The following RNF31 variants were observed in gnomAD, a reference collection of about 807,000 sequenced individuals.
RNF31 encodes ring finger protein 31.
Under a neutral mutation model 133.6 loss-of-function variants are expected in RNF31, and 38 were observed. The ratio of observed to expected loss-of-function variants is 0.28; its 90% CI spans 0.22 to 0.37. The LOEUF (loss-of-function observed/expected upper bound fraction) is 0.37, where lower values mean the gene tolerates loss of function less well. Ranked by LOEUF, RNF31 falls within the 10% of genes least tolerant of loss-of-function variation. The pLI is 1.00. For missense variants in RNF31, 1,118 were observed against 1,394.1 expected (o/e 0.80, Z 3.15); for synonymous variants, 582 against 552.3 (o/e 1.05, Z -0.75).
At position 24,160,061 on chromosome 14, in the gene RNF31, C is replaced by G; in HGVS notation, c.2996+101C>G. The G allele has an allele frequency of 1.5e-6, 2 of 1,350,754 alleles. No homozygotes were observed. The highest frequency in any genetic ancestry group is 2.5e-5 in the South Asian group (2 of 80,506). 83.7% of individuals were successfully genotyped at this position (1,350,754 alleles called of 1,614,324 possible). On this transcript the variant is annotated intron_variant, in intron 19 of 20. Transcript: ENST00000324103. This position sits in a 1 kb window ranked among gnomAD's most constrained non-coding sequence, Gnocchi z 4.0. ...GGGTCCTTGGGAGCAGTAGGTCTTG[C>G]AGTGGGTGGGAGGGAGGAGGCTTTC...
rs1566615893 is a variant in RNF31, at chr14:24,155,442, A to G, written c.2333A>G (p.Tyr778Cys). The change falls in exon 13 of 21, where the codon TAT (tyrosine) becomes TGT (cysteine). Residue 778 changes from tyrosine to cysteine, a missense_variant. Physicochemically the swap from Tyr to Cys is radical, Grantham distance 194. Coordinates refer to ENST00000324103, the MANE Select transcript of RNF31 (RefSeq NM_017999.5). This position sits in a 1 kb window ranked among gnomAD's most constrained non-coding sequence, Gnocchi z 4.9. ...QLRESLEPDA[Y>C]ALFHKKLTEG... is the part of the protein sequence containing the mutation. The stretch of plus-strand genomic sequence containing the variant: ...CGCGAGAGCCTAGAGCCAGATGCCT[A>G]TGCGTTGTTCCATAAGAAGCTGACC... The G allele has an allele frequency of 1.9e-6, 3 of 1,614,164 alleles. No individual in the cohort carries two copies. The highest frequency in any genetic ancestry group is 2.5e-6 in the Non-Finnish European group (3 of 1,180,032).
intron 11 of RNF31, among the ~76,000 whole-genome samples, chr14:24,154,728 G>A (rs989396401): frequency 2.1e-4 from 32 of 152,192 alleles, no homozygotes; most frequent in Non-Finnish European, 3.7e-4. Context: ...TCTGTCCCAC[G>A]TATGGATGCA....
intron 18 of RNF31, chr14:24,158,818 C>CCT (rs2038385702): frequency 6.6e-6 from 1 of 151,230 alleles, no homozygotes; most frequent in African/African-American, 2.5e-5. Flanking sequence ...GGGTGAATCA[C>CCT]GAAGTCAGAT....
intron 18 of RNF31, among the ~76,000 whole-genome samples, chr14:24,159,584 C>CAAAAAAAAAAAAAA (rs59295225): frequency 1.2e-5 from 1 of 82,198 alleles, no homozygotes; most frequent in Non-Finnish European, 2.5e-5. Context: ...AAATAACAAC[C>CAAAAAAAAAAAAAA]AAAAAAAAAA....
chr14:24,159,435 G>A (rs2038407101), intron 18 of RNF31, among the ~76,000 whole-genome samples: 1 of 151,652 alleles, frequency 6.6e-6, no homozygotes. Context: ...CACTTTGGGA[G>A]GCTAAGGCAA....
In RNF31 at chr14:24,151,571, CCTGA is replaced by C; in HGVS notation, c.1829_1832del (p.Thr610SerfsTer7). 6.2e-7 allele frequency: 1 copy of C among 1,614,138 alleles called. No homozygotes were observed. The highest frequency in any genetic ancestry group is 8.5e-7 in the Non-Finnish European group (1 of 1,180,028). ...AGCACGGAGGTGATGTGTCACGGGC[CCTGA>C]CTGAGCTACAGCGCCAACGCCTAGA... On this transcript the variant is annotated frameshift_variant, in exon 10 of 21. Coordinates refer to ENST00000324103, the MANE Select transcript of RNF31 (RefSeq NM_017999.5). LOFTEE classifies it high-confidence loss of function. The surrounding 1 kb of genome is among the most constrained non-coding windows in gnomAD (Gnocchi z 5.3).
chr14:24,149,659 T>C, intron 6 of RNF31, 76 bp downstream of exon 6: 1 of 1,433,180 alleles, frequency 7.0e-7, no homozygotes, highest in South Asian at 1.2e-5. Context: ...TACCTGCCAG[T>C]TTCTGTGCTA....
intron 19 of RNF31, 26 bp downstream of exon 19, chr14:24,159,986 G>A (rs766206399): frequency 6.2e-7 from 1 of 1,603,344 alleles, no homozygotes; most frequent in South Asian, 1.1e-5. Context: ...ACATGGGCAT[G>A]GTGTTGGGCA....
chr14:24,155,749 T>C lies in RNF31; in HGVS notation c.2493+57T>C. The C allele has an allele frequency of 6.7e-7, 1 of 1,496,616 alleles. No homozygotes were observed. Among genetic ancestry groups the C allele is most frequent in the Non-Finnish European group, 9.3e-7 (1 of 1,076,612 alleles). 92.7% of individuals were successfully genotyped at this position (1,496,616 alleles called of 1,614,324 possible). Reference sequence around the variant, plus strand: ...GCTGAGCTACTGCCAGGTACTGTGTTAGACTCAGGGGAGTTTGTGTACTGG... The same window carrying C: ...GCTGAGCTACTGCCAGGTACTGTGTCAGACTCAGGGGAGTTTGTGTACTGG... On this transcript the variant is annotated intron_variant, in intron 14 of 20. Coordinates refer to ENST00000324103, the MANE Select transcript of RNF31 (RefSeq NM_017999.5). This position sits in a 1 kb window ranked among gnomAD's most constrained non-coding sequence, Gnocchi z 4.9.
In RNF31 at chr14:24,157,906, A is replaced by G; in HGVS notation, c.2736A>G (p.Pro912=). The G allele has an allele frequency of 6.2e-7, 1 of 1,613,870 alleles. No homozygotes were observed. The highest frequency in any genetic ancestry group is 8.5e-7 in the Non-Finnish European group (1 of 1,179,964). Residue 912 remains proline (P), a synonymous_variant, in exon 17 of 21, where the codon CCA becomes CCG. Coordinates refer to ENST00000324103, the MANE Select transcript of RNF31 (RefSeq NM_017999.5). Reference sequence around the variant, plus strand: ...ATCTGGGTTTCTGCCAGAAATGTCCAGAGCCTAACTGCAGGGTGAAAAAGT... The same window carrying G: ...ATCTGGGTTTCTGCCAGAAATGTCCGGAGCCTAACTGCAGGGTGAAAAAGT... ...YNAFYAKNKC[P]EPNCRVKKSL...
At chr14:24,159,797 A>ATCCCAG (rs2038417288) in intron 18 of RNF31, 67 bp from the exon 19 acceptor site, 1 of 1,276,172 alleles carries the variant, frequency 7.8e-7, no homozygotes, top group African/African-American at 1.5e-5. Flanking sequence ...CCTTGTGGAT[A>ATCCCAG]TCCCAGTTCT....
Position 24,151,332 on chromosome 14 carries a change from A to T in RNF31, c.1690A>T (p.Asn564Tyr), listed in dbSNP as rs887685983. The stretch of plus-strand genomic sequence containing the variant: ...GAGAGCCTGGCTGGATCGTCATGGC[A>T]ACCTTGATGAAGCTGTGGAGGAGTG... ...ARRAWLDRHG[N>Y]LDEAVEECVR... Residue 564 changes from asparagine (N) to tyrosine (Y), a missense_variant, in exon 9 of 21, where the codon AAC becomes TAC. By Grantham distance (143) the Asn-to-Tyr change is moderately radical. This residue lies in a region of RNF31 where 747 missense variants were observed against 827.9 expected (regional missense o/e 0.90). Transcript: ENST00000324103. The surrounding 1 kb of genome is among the most constrained non-coding windows in gnomAD (Gnocchi z 5.3). 2 of 1,614,192 alleles carry T rather than the reference A, an allele frequency of 1.2e-6. No individual in the cohort carries two copies. Among genetic ancestry groups the T allele is most frequent in the Non-Finnish European group, 1.7e-6 (2 of 1,180,034 alleles).
Position 24,148,859 on chromosome 14 carries a change from C to G in RNF31, c.614C>G (p.Thr205Ser). The G allele has an allele frequency of 1.2e-6, 2 of 1,614,106 alleles. No homozygotes were observed. The highest frequency in any genetic ancestry group is 1.7e-6 in the Non-Finnish European group (2 of 1,179,932). ...AGAGAGATTGCTCCTGGCCCCCTCA[C>G]CACACCCTCTGTCCCAGGTATTATT... ...LLREIAPGPL[T>S]TPSVPGSTPG... The change falls in exon 5 of 21, where the codon ACC (threonine) becomes AGC (serine). Residue 205 changes from threonine to serine, a missense_variant. This residue lies in a region of RNF31 where 747 missense variants were observed against 827.9 expected (regional missense o/e 0.90). Transcript: ENST00000324103.
At position 24,150,237 on chromosome 14, in the gene RNF31, G is replaced by A. The variant is rs767287330; in HGVS notation, c.986G>A (p.Cys329Tyr). 6.8e-6 allele frequency: 11 copies of A among 1,614,120 alleles called. No individual in the cohort carries two copies. Among genetic ancestry groups the A allele is most frequent in the Middle Eastern group, 1.6e-4 (1 of 6,084 alleles). The change falls in exon 7 of 21, where the codon TGT (cysteine) becomes TAT (tyrosine). Residue 329 changes from cysteine (C) to tyrosine (Y), a missense_variant. Physicochemically the swap from Cys to Tyr is radical, Grantham distance 194. Coordinates refer to ENST00000324103, the MANE Select transcript of RNF31 (RefSeq NM_017999.5). The stretch of plus-strand genomic sequence containing the variant: ...GTGGCCTGTGATCGGCCCCGAGGCT[G>A]TAAGGGGTTGGGGTTGGGAACTGAG... ...LCVACDRPRGCKGLGLGTEGP... is the reference protein window; with the variant it reads ...LCVACDRPRGYKGLGLGTEGP...
Position 24,160,133 on chromosome 14 carries a change from G to A in RNF31, c.2997-106G>A, listed in dbSNP as rs754221112. The A allele has an allele frequency of 7.1e-7, 1 of 1,405,030 alleles. No homozygotes were observed. Among genetic ancestry groups the A allele is most frequent in the East Asian group, 2.3e-5 (1 of 43,194 alleles). The allele number at this position is 1,405,030 out of a possible 1,614,324, so 87.0% of individuals were successfully genotyped here. On this transcript the variant is annotated intron_variant, in intron 19 of 20. Transcript: ENST00000324103. The surrounding 1 kb of genome is among the most constrained non-coding windows in gnomAD (Gnocchi z 4.0). ...AGTAGCAGGCAGTGTGGGCACAGGT[G>A]GGTTGTTAATCTTGTTCGTCCAGGT...
rs1255034493 is a variant in RNF31, at chr14:24,150,583, T to G, written c.1198-15T>G. The G allele has an allele frequency of 1.4e-5, 22 of 1,602,080 alleles. No individual in the cohort carries two copies. Among genetic ancestry groups the G allele is most frequent in the Non-Finnish European group, 1.8e-5 (21 of 1,170,804 alleles). ...AGCCAGCCAGTCAAAGGGATAATTCTCTCTGCCTTCCCAGCAGGGGGATGC... is the reference window on the plus strand; with the variant it reads ...AGCCAGCCAGTCAAAGGGATAATTCGCTCTGCCTTCCCAGCAGGGGGATGC... On this transcript the variant is annotated splice_polypyrimidine_tract_variant and intron_variant, in intron 7 of 20. Coordinates refer to ENST00000324103, the MANE Select transcript of RNF31 (RefSeq NM_017999.5).
chr14:24,151,008 A>G lies in RNF31; in HGVS notation c.1488+120A>G. 1 of 1,509,614 alleles carries G rather than the reference A, an allele frequency of 6.6e-7. No homozygotes were observed. 93.5% of individuals were successfully genotyped at this position (1,509,614 alleles called of 1,614,324 possible). ...AGCAGCAGCTGCCTGTTACTGAGGC[A>G]GTTACCATTGCTGTACACTGATGAC... On this transcript the variant is annotated intron_variant, in intron 8 of 20. Transcript: ENST00000324103. This position sits in a 1 kb window ranked among gnomAD's most constrained non-coding sequence, Gnocchi z 5.3.
chr14:24,150,318 G>T lies in RNF31; in HGVS notation c.1067G>T (p.Cys356Phe). The part of the protein sequence containing the change: ...EPDLARGRWA[C>F]QSCTFENEAA... ...GATCTTGCACGGGGTCGGTGGGCCT[G>T]CCAGAGCTGTACCTTTGAGAATGAG... Residue 356 changes from cysteine to phenylalanine, a missense_variant, in exon 7 of 21, where the codon TGC (cysteine) becomes TTC (phenylalanine). By Grantham distance (205) the Cys-to-Phe change is radical (BLOSUM62 -2). This residue lies in a region of RNF31 where 747 missense variants were observed against 827.9 expected (regional missense o/e 0.90). Coordinates refer to ENST00000324103, the MANE Select transcript of RNF31 (RefSeq NM_017999.5). 6.2e-7 allele frequency: 1 copy of T among 1,614,176 alleles called. No individual in the cohort carries two copies. Among genetic ancestry groups the T allele is most frequent in the Middle Eastern group, 1.6e-4 (1 of 6,062 alleles).
Position 24,147,960 on chromosome 14 carries a change from C to T in RNF31, c.193-16C>T. 1 of 1,614,184 alleles carries T rather than the reference C, an allele frequency of 6.2e-7. No individual in the cohort carries two copies. Among genetic ancestry groups the T allele is most frequent in the Non-Finnish European group, 8.5e-7 (1 of 1,180,028 alleles). On this transcript the variant is annotated splice_polypyrimidine_tract_variant and intron_variant, in intron 1 of 20. Transcript: ENST00000324103. ...CCCAGGCCACGCTCACACCTCTCTGCTCTCCTTGCTCCCAGCCCCGAAACT... is the reference window on the plus strand; with the variant it reads ...CCCAGGCCACGCTCACACCTCTCTGTTCTCCTTGCTCCCAGCCCCGAAACT...
Sources: gnomAD v4.1 joint callset for allele counts (sites outside exome capture counted in the v4.1 genomes callset) on GRCh38, gnomAD v4.1.1 for gene constraint, gnomAD v4.1.1 regional missense constraint, Gnocchi (gnomAD v3.1) non-coding constraint, MANE v1.5 for transcripts, NCBI Gene and HGNC (gene_info 2026-07-23, HGNC 2026-07-21) for gene names.